Variants in TCF12 observed in about 807,000 individuals in gnomAD.
The protein encoded by TCF12 is DNA-binding protein HTF4.
TCF12 carries 45 observed loss-of-function variants against 86.0 expected under a neutral mutation model. The observed-to-expected ratio is 0.52, with a 90% confidence interval of 0.41 to 0.67. The LOEUF (loss-of-function observed/expected upper bound fraction) is 0.67, where lower values mean the gene tolerates loss of function less well. Among genes scored for constraint, TCF12 ranks in the 30% least tolerant of loss-of-function variants. The pLI, the probability that TCF12 is intolerant of heterozygous loss-of-function variation, is 0.00. For missense variants in TCF12, 881 were observed against 859.9 expected, an observed-to-expected ratio of 1.02 and a Z score of -0.31; for synonymous variants, 330 against 299.6, an observed-to-expected ratio of 1.10 and a Z score of -1.05.
At chr15:56,983,272 G>C (rs1177190299) in intron 3 of TCF12, among the ~76,000 whole-genome samples, 2 of 152,184 alleles carry the variant, frequency 1.3e-5, no homozygotes, top group Admixed American at 1.3e-4. Flanking sequence ...GTAACTATTA[G>C]AGAGAGAAGT....
At chr15:57,241,814 G>A (rs1360468205) in intron 12 of TCF12, among the ~76,000 whole-genome samples, 5 of 152,176 alleles carry the variant, frequency 3.3e-5, no homozygotes, top group South Asian at 2.1e-4. Flanking sequence ...CCAACATAGC[G>A]AAATCTTTTC....
At chr15:56,918,633 G>A, upstream of TCF12, 1 of 201,976 alleles carries the variant, frequency 5.0e-6, no homozygotes, top group Non-Finnish European at 1.0e-5. Flanking sequence ...GGCGCGGAGG[G>A]ATCCGGAGGC....
intron 3 of TCF12, among the ~76,000 whole-genome samples, chr15:57,042,053 C>T (rs553745619): frequency 1.3e-5 from 2 of 152,272 alleles, no homozygotes; most frequent in South Asian, 2.1e-4. Context: ...ATTTTCTAGC[C>T]ATTGCCTGCA....
At chr15:56,956,841 G>C (rs1375215163) in intron 3 of TCF12, among the ~76,000 whole-genome samples, 2 of 151,566 alleles carry the variant, frequency 1.3e-5, no homozygotes, top group East Asian at 3.9e-4. Flanking sequence ...TTTATTATGT[G>C]ACTTGTTACA....
intron 6 of TCF12, among the ~76,000 whole-genome samples, chr15:57,184,305 A>G (rs1344560065): frequency 6.6e-6 from 1 of 152,188 alleles, no homozygotes; most frequent in African/African-American, 2.4e-5. Context: ...GTTTTTCAAG[A>G]AAAGTATTTT....
At chr15:56,954,669 C>G (rs1463406224) in intron 3 of TCF12, among the ~76,000 whole-genome samples, 1 of 152,072 alleles carries the variant, frequency 6.6e-6, no homozygotes, top group East Asian at 1.9e-4. Context: ...TGCAATCTAC[C>G]TATCTGACAA....
At chr15:57,071,495 G>A (rs186042511) in intron 4 of TCF12, among the ~76,000 whole-genome samples, 1 of 152,044 alleles carries the variant, frequency 6.6e-6, no homozygotes, top group Non-Finnish European at 1.5e-5. Context: ...ATTTAGCCGG[G>A]TGTGGTGGTG....
At chr15:57,030,695 C>T (rs545113887) in intron 3 of TCF12, among the ~76,000 whole-genome samples, 12 of 152,218 alleles carry the variant, frequency 7.9e-5, no homozygotes, top group African/African-American at 1.4e-4. Context: ...TCCGTTTCTT[C>T]CTCTTCTCTT....
chr15:57,283,660 C>T (rs1365823952), intron 20 of TCF12, among the ~76,000 whole-genome samples: 63 of 152,158 alleles, frequency 4.1e-4, no homozygotes, highest in Admixed American at 2.7e-3. Flanking sequence ...CAGATGAGTG[C>T]GGGGTGTGGA....
intron 3 of TCF12, among the ~76,000 whole-genome samples, chr15:57,002,773 GCAGA>G (rs1958743561): frequency 6.6e-6 from 1 of 152,182 alleles, no homozygotes; most frequent in South Asian, 2.1e-4. Context: ...GATAAATAAA[GCAGA>G]CAGTCTATGG....
intron 6 of TCF12, among the ~76,000 whole-genome samples, chr15:57,188,945 A>G (rs2056832978): frequency 6.6e-6 from 1 of 152,156 alleles, no homozygotes; most frequent in South Asian, 2.1e-4. Flanking sequence ...ACACCATCAC[A>G]CCTGGCTAAT....
intron 3 of TCF12, among the ~76,000 whole-genome samples, chr15:57,042,004 T>G (rs1248555498): frequency 1.3e-5 from 2 of 152,236 alleles, no homozygotes; most frequent in African/African-American, 4.8e-5. Context: ...AATCCTTTCT[T>G]GGTATGTTGG....
Position 57,091,811 on chromosome 15 carries a change from A to G in TCF12, c.245A>G (p.Tyr82Cys). Residue 82 changes from tyrosine (Y) to cysteine (C), a missense_variant, in exon 5 of 21, where the codon TAC (tyrosine) becomes TGC (cysteine). Coordinates refer to ENST00000333725, the MANE Select transcript of TCF12 (RefSeq NM_207037.2). ...SSRGFTDSPH[Y>C]SDHLNDSRLG... Reference sequence around the variant, plus strand: ...TAGGGTTTTACAGACAGCCCTCATTACAGTGATCACTTGAATGACAGTCGA... The same window carrying G: ...TAGGGTTTTACAGACAGCCCTCATTGCAGTGATCACTTGAATGACAGTCGA... The G allele has an allele frequency of 6.2e-7, 1 of 1,613,704 alleles. No individual in the cohort carries two copies. The highest frequency in any genetic ancestry group is 8.5e-7 in the Non-Finnish European group (1 of 1,179,696).
chr15:57,228,971 C>T (rs1358206285), intron 8 of TCF12, among the ~76,000 whole-genome samples: 2 of 151,964 alleles, frequency 1.3e-5, no homozygotes, highest in Non-Finnish European at 2.9e-5. Flanking sequence ...TTCATACTTA[C>T]ATATCAAGGA....
intron 3 of TCF12, among the ~76,000 whole-genome samples, chr15:57,056,600 C>T (rs2068049770): frequency 6.6e-6 from 1 of 152,140 alleles, no homozygotes; most frequent in African/African-American, 2.4e-5. Flanking sequence ...GCTGGGACTA[C>T]AGGAGCACAC....
intron 3 of TCF12, among the ~76,000 whole-genome samples, chr15:56,949,055 C>T (rs1363267921): frequency 6.6e-6 from 1 of 152,108 alleles, no homozygotes; most frequent in Non-Finnish European, 1.5e-5. Context: ...CTTTCATAGA[C>T]CTCTGAAAAG....
At chr15:57,147,966 CA>C (rs1431088946) in intron 5 of TCF12, among the ~76,000 whole-genome samples, 5 of 151,184 alleles carry the variant, frequency 3.3e-5, no homozygotes, top group African/African-American at 1.2e-4. Context: ...TTTCAGCCTC[CA>C]AATCCTGGAC....
At chr15:57,144,633 C>G (rs2053227921) in intron 5 of TCF12, among the ~76,000 whole-genome samples, 1 of 152,164 alleles carries the variant, frequency 6.6e-6, no homozygotes, top group South Asian at 2.1e-4. Context: ...GCTTCTCACT[C>G]TGTAATCCAG....
intron 8 of TCF12, among the ~76,000 whole-genome samples, chr15:57,226,713 C>T (rs16977320): frequency 6.6e-6 from 1 of 151,960 alleles, no homozygotes; most frequent in African/African-American, 2.4e-5. Flanking sequence ...TTTCTTAGGC[C>T]TTGAAGCACA....
Sources: allele counts gnomAD v4.1 joint callset (sites outside exome capture counted in the v4.1 genomes callset), GRCh38; gene constraint gnomAD v4.1.1; transcripts MANE v1.5; gene names NCBI Gene and HGNC (gene_info 2026-07-23, HGNC 2026-07-21).